ARHGAP33: variants seen among roughly 807,000 people sequenced by gnomAD.
ARHGAP33 encodes the protein Rho GTPase activating protein 33, also known as rho GTPase-activating protein 33.
ARHGAP33 carries 57 observed loss-of-function variants against 126.2 expected under a neutral mutation model. That is an observed-to-expected ratio of 0.45 (90% CI 0.36 to 0.56). The LOEUF (loss-of-function observed/expected upper bound fraction) is 0.56, where lower values mean the gene tolerates loss of function less well. Ranked by LOEUF, ARHGAP33 falls within the 20% of genes least tolerant of loss-of-function variation. ARHGAP33 has a pLI of 0.00. For missense variants in ARHGAP33, 1,500 were observed against 1,748.3 expected (o/e 0.86, Z 2.53); for synonymous variants, 711 against 755.0 (o/e 0.94, Z 0.95).
intron 15 of ARHGAP33, among the ~76,000 whole-genome samples, chr19:35,783,663 G>A (rs547275648): frequency 4.6e-5 from 7 of 152,144 alleles, no homozygotes; most frequent in South Asian, 2.1e-4. Context: ...GAGAGGTGAC[G>A]GGGACCAGAC....
intron 19 of ARHGAP33, chr19:35,785,907 T>C: frequency 9.2e-7 from 1 of 1,086,442 alleles, no homozygotes; most frequent in Non-Finnish European, 1.1e-6. Context: ...ATCATACTGC[T>C]CAGTTCTAGC....
chr19:35,780,114 G>C, intron 6 of ARHGAP33, 97 bp from the exon 7 acceptor site: 1 of 1,513,996 alleles, frequency 6.6e-7, no homozygotes, highest in Non-Finnish European at 9.0e-7. Flanking sequence ...CTCTTGACGG[G>C]GGCGGGCAGT....
At position 35,786,757 on chromosome 19, in the gene ARHGAP33, C is replaced by A. The variant is rs1170781751; in HGVS notation, c.2287C>A (p.Pro763Thr). ...TCCCGCACCTCCCGCCAGCCCAGCA[C>A]CCCCCGCCCCTGCCTCTGCCTTCCC... is the stretch of plus-strand genomic sequence containing the variant. ...GDPAPPASPAPPAPASAFPPR... is the reference protein window; with the variant it reads ...GDPAPPASPATPAPASAFPPR... Residue 763 changes from proline (P) to threonine (T), a missense_variant, in exon 20 of 21, where the codon CCC becomes ACC. By Grantham distance (38) the Pro-to-Thr change is conservative. This residue lies in a region of ARHGAP33 where 73 missense variants were observed against 110.8 expected (regional missense o/e 0.66). Coordinates refer to ENST00000007510, the MANE Select transcript of ARHGAP33 (RefSeq NM_001366178.1). This position sits in a 1 kb window ranked among gnomAD's most constrained non-coding sequence, Gnocchi z 7.0. 2 of 1,516,608 alleles carry A rather than the reference C, an allele frequency of 1.3e-6. No homozygotes were observed. The highest frequency in any genetic ancestry group is 1.4e-5 in the African/African-American group (1 of 72,802). The allele number at this position is 1,516,608 out of a possible 1,614,324, so 93.9% of individuals were successfully genotyped here. A position where few individuals can be genotyped will look rare whatever the true frequency, so the allele number is the denominator to read the frequency against.
At chr19:35,784,143 C>T (rs1216079022) in intron 15 of ARHGAP33, 29 bp from the exon 16 acceptor site, 2 of 1,593,780 alleles carry the variant, frequency 1.3e-6, no homozygotes, top group African/African-American at 1.3e-5. Context: ...CTCAAGGCAC[C>T]CAGCCTCCCT....
Position 35,780,935 on chromosome 19 carries a change from G to A in ARHGAP33, c.845G>A (p.Arg282His), listed in dbSNP as rs142581391. The change falls in exon 11 of 21, where the codon CGT (arginine) becomes CAT (histidine). Residue 282 changes from arginine to histidine, a missense_variant. Physicochemically the swap from Arg to His is conservative, Grantham distance 29. Transcript: ENST00000007510. ...GCCCCCACAGCTGTGCCACGGCCTC[G>A]TGGGAAGCTGGCCGGCCTGCTCCGC... The part of the protein sequence containing the change: ...SSLTSAVPRP[R>H]GKLAGLLRTF... The A allele has an allele frequency of 6.7e-5, 108 of 1,609,516 alleles. No homozygotes were observed. Among genetic ancestry groups the A allele is most frequent in the Middle Eastern group, 3.3e-4 (2 of 6,060 alleles).
At position 35,775,617 on chromosome 19, in the gene ARHGAP33, G is replaced by T. The variant is rs1369625810; in HGVS notation, c.-42G>T. 3 of 1,505,982 alleles carry T rather than the reference G, an allele frequency of 2.0e-6. No individual in the cohort carries two copies. Among genetic ancestry groups the T allele is most frequent in the East Asian group, 2.9e-5 (1 of 34,420 alleles). The allele number at this position is 1,505,982 out of a possible 1,614,324, so 93.3% of individuals were successfully genotyped here. A position where few individuals can be genotyped will look rare whatever the true frequency, so the allele number is the denominator to read the frequency against. ...GGCAGCGGCGACGAGAACGGCGAGC[G>T]AGGGGTCGAGCGCGGCCGGGGCCTG... On this transcript the variant is annotated 5_prime_UTR_variant, in exon 1 of 21. An upstream open reading frame in the 5' UTR gains an earlier in-frame stop. Coordinates refer to ENST00000007510, the MANE Select transcript of ARHGAP33 (RefSeq NM_001366178.1).
intron 15 of ARHGAP33, among the ~76,000 whole-genome samples, chr19:35,783,831 G>C (rs1179121204): frequency 6.6e-6 from 1 of 151,638 alleles, no homozygotes; most frequent in African/African-American, 2.4e-5. Context: ...TTTAGGGTGG[G>C]GACCGGAAGG....
rs1442014033 is a variant in ARHGAP33, at chr19:35,785,179, C to T, written c.1722-10C>T. ...CTCAGACGGCCTCCTGTTTCTCCCC[C>T]AAACCGCAGGAGGAAAGGGGAGAGA... On this transcript the variant is annotated splice_polypyrimidine_tract_variant and intron_variant, in intron 17 of 20. Coordinates refer to ENST00000007510, the MANE Select transcript of ARHGAP33 (RefSeq NM_001366178.1). 1 of 1,576,116 alleles carries T rather than the reference C, an allele frequency of 6.3e-7. No homozygotes were observed. The highest frequency in any genetic ancestry group is 8.6e-7 in the Non-Finnish European group (1 of 1,156,964).
chr19:35,784,433 C>A, intron 16 of ARHGAP33, 116 bp downstream of exon 16: 2 of 1,430,438 alleles, frequency 1.4e-6, no homozygotes, highest in African/African-American at 1.5e-5. Context: ...GGCCTCCCTC[C>A]GGCTCCTTGA....
At chr19:35,780,555 C>T in intron 8 of ARHGAP33, 27 bp from the exon 9 acceptor site, 1 of 1,613,412 alleles carries the variant, frequency 6.2e-7, no homozygotes, top group Non-Finnish European at 8.5e-7. Context: ...CTGGGGTGGC[C>T]CAGCTACTGA....
rs751761239 is a variant in ARHGAP33 at position 35,787,284 on chromosome 19, C to T, written c.2719C>T (p.Arg907Trp). 6.2e-6 allele frequency: 10 copies of T among 1,612,202 alleles called. No individual in the cohort carries two copies. Among genetic ancestry groups the T allele is most frequent in the Admixed American group, 5.0e-5 (3 of 59,896 alleles). ...ARLMALALAE[R>W]AQQVAEQQSQ... is the part of the protein sequence containing the mutation. ...CCTCATGGCCCTGGCCCTGGCTGAGCGGGCTCAGCAGGTGGCCGAGCAACA... is the reference window on the plus strand; with the variant it reads ...CCTCATGGCCCTGGCCCTGGCTGAGTGGGCTCAGCAGGTGGCCGAGCAACA... The change falls in exon 21 of 21, where the codon CGG becomes TGG. Residue 907 changes from arginine (R) to tryptophan (W), a missense_variant. By Grantham distance (101) the Arg-to-Trp change is moderately radical. Coordinates refer to ENST00000007510, the MANE Select transcript of ARHGAP33 (RefSeq NM_001366178.1).
Position 35,782,686 on chromosome 19 carries a change from C to T in ARHGAP33, c.1313+7C>T, listed in dbSNP as rs781287203. On this transcript the variant is annotated splice_region_variant and intron_variant, in intron 14 of 20. Coordinates refer to ENST00000007510, the MANE Select transcript of ARHGAP33 (RefSeq NM_001366178.1). This position sits in a 1 kb window ranked among gnomAD's most constrained non-coding sequence, Gnocchi z 4.1. ...TGCCCCCACCACATTACAGGTAAACCAGGAGGGGCAGGGCGGGACTTGGTG... is the reference window on the plus strand; with the variant it reads ...TGCCCCCACCACATTACAGGTAAACTAGGAGGGGCAGGGCGGGACTTGGTG... 3.7e-6 allele frequency: 6 copies of T among 1,611,760 alleles called. No homozygotes were observed. The highest frequency in any genetic ancestry group is 5.1e-6 in the Non-Finnish European group (6 of 1,179,112).
Position 35,780,635 on chromosome 19 carries a change from G to C in ARHGAP33, c.756G>C (p.Pro252=). 1 of 1,612,776 alleles carries C rather than the reference G, an allele frequency of 6.2e-7. No homozygotes were observed. The highest frequency in any genetic ancestry group is 8.5e-7 in the Non-Finnish European group (1 of 1,179,788). Residue 252 remains proline (P), a synonymous_variant, in exon 9 of 21, where the codon CCG becomes CCC. Transcript: ENST00000007510. ...CVELFTERPG[P]GLKADADGPP... ...AACTCTTCACAGAGCGGCCAGGTCC[G>C]GGCCTGAAGGCGGGTAAGTGCCATG...
intron 16 of ARHGAP33, chr19:35,784,749 C>G: frequency 7.4e-7 from 1 of 1,356,176 alleles, no homozygotes; most frequent in Non-Finnish European, 9.4e-7. Flanking sequence ...CTGCCGGGAG[C>G]TGCCTCCTCA....
rs1217458325 is a variant in ARHGAP33, at chr19:35,777,644, G to A, written c.7-1G>A. 1 of 1,566,486 alleles carries A rather than the reference G, an allele frequency of 6.4e-7. No homozygotes were observed. The highest frequency in any genetic ancestry group is 8.7e-7 in the Non-Finnish European group (1 of 1,154,626). On this transcript the variant is annotated splice_acceptor_variant, in intron 1 of 20. Coordinates refer to ENST00000007510, the MANE Select transcript of ARHGAP33 (RefSeq NM_001366178.1). LOFTEE classifies it high-confidence loss of function. ...GGCCTCTGATTCTTTCTGCTCTACAGGCACGCAGCACTGACAGCCTGGATG... is the reference window on the plus strand; with the variant it reads ...GGCCTCTGATTCTTTCTGCTCTACAAGCACGCAGCACTGACAGCCTGGATG...
chr19:35,784,088 C>G, intron 15 of ARHGAP33, 84 bp from the exon 16 acceptor site: 2 of 1,206,742 alleles, frequency 1.7e-6, no homozygotes, highest in Non-Finnish European at 2.4e-6. Flanking sequence ...CAGTCACTGC[C>G]TCCCCTGGCT....
chr19:35,781,015 C>A lies in ARHGAP33; in HGVS notation c.925C>A (p.Arg309=), dbSNP rs946980940. 1.2e-6 allele frequency: 2 copies of A among 1,612,130 alleles called. No homozygotes were observed. Among genetic ancestry groups the A allele is most frequent in the Non-Finnish European group, 1.7e-6 (2 of 1,179,896 alleles). The change falls in exon 11 of 21, where the codon CGA becomes AGA. Residue 309 remains arginine, a synonymous_variant. Coordinates refer to ENST00000007510, the MANE Select transcript of ARHGAP33 (RefSeq NM_001366178.1). The part of the protein sequence containing the change: ...RQRLRQRGIL[R]QRVFGCDLGE... ...GCGGCTGCGGCAGCGGGGAATCCTG[C>A]GACAGAGGGTGTTTGGCTGCGATCT...
In ARHGAP33 at chr19:35,788,245, G is replaced by T. The variant is rs1972231264; in HGVS notation, c.3680G>T (p.Gly1227Val). The T allele has an allele frequency of 6.2e-7, 1 of 1,608,368 alleles. No homozygotes were observed. The highest frequency in any genetic ancestry group is 1.3e-5 in the African/African-American group (1 of 74,314). Residue 1227 changes from glycine (G) to valine (V), a missense_variant, in exon 21 of 21, where the codon GGC (glycine) becomes GTC (valine). By Grantham distance (109) the Gly-to-Val change is moderately radical. Around this residue, in one of 6 missense-constraint regions of ARHGAP33, gnomAD observed 642 missense variants for 634.0 expected, o/e 1.01. Transcript: ENST00000007510. ...CCTCATAGGGTGCCGGGTCCCTGGG[G>T]CCCTCCTGAGCCTCTCCTGCTCTAC... The part of the protein sequence containing the change: ...RTPHRVPGPW[G>V]PPEPLLLYRA...
Position 35,778,641 on chromosome 19 carries a change from G to C in ARHGAP33, c.408+40G>C, listed in dbSNP as rs748362553. 32 of 1,594,200 alleles carry C rather than the reference G, an allele frequency of 2.0e-5. No homozygotes were observed. The Admixed American group carries it at 5.5e-4, about 27-fold the overall frequency. ...GTCTCAGCCCCTGCCTCATGAGTGTGTCCTCATCCACAGTGTGAAATCATC... is the reference window on the plus strand; with the variant it reads ...GTCTCAGCCCCTGCCTCATGAGTGTCTCCTCATCCACAGTGTGAAATCATC... On this transcript the variant is annotated intron_variant, in intron 5 of 20. Transcript: ENST00000007510.
Sources: allele counts gnomAD v4.1 joint callset (sites outside exome capture counted in the v4.1 genomes callset), GRCh38; gene constraint gnomAD v4.1.1; regional missense constraint gnomAD v4.1.1; non-coding constraint Gnocchi (gnomAD v3.1); transcripts MANE v1.5; gene names NCBI Gene and HGNC (gene_info 2026-07-23, HGNC 2026-07-21).